Variants in EFNA5 observed in about 807,000 individuals in gnomAD.
EFNA5 encodes the protein ephrin-A5.
Under a neutral mutation model 22.9 loss-of-function variants are expected in EFNA5, and 5 were observed. The observed-to-expected ratio is 0.22, with a 90% CI of 0.11 to 0.46. The LOEUF (loss-of-function observed/expected upper bound fraction) is 0.46. Ranked by LOEUF, EFNA5 falls within the 20% of genes least tolerant of loss-of-function variation. EFNA5 has a pLI of 0.99. For synonymous variants in EFNA5, 113 were observed against 112.2 expected, an observed-to-expected ratio of 1.01 and a Z score of -0.04; for missense variants, 237 against 293.3, an observed-to-expected ratio of 0.81 and a Z score of 1.40.
chr5:107,465,911 C>T lies in EFNA5; in HGVS notation c.126-38402G>A, dbSNP rs192744678. On this transcript the variant is annotated intron_variant, in intron 1 of 4. Coordinates refer to ENST00000333274, the MANE Select transcript of EFNA5 (RefSeq NM_001962.3). Reference sequence around the variant, plus strand: ...CACGGCTACTGGTACCAGACATGTGCGGTGTGCTCTGCAACCACCTGCCTT... The same window carrying T: ...CACGGCTACTGGTACCAGACATGTGTGGTGTGCTCTGCAACCACCTGCCTT... Among the ~76,000 whole-genome samples the T allele has an allele frequency of 2.6e-4, 40 of 152,214 alleles. No homozygotes were observed. The East Asian group carries it at 2.9e-3, about 11-fold the overall frequency.
intron 1 of EFNA5, among the ~76,000 whole-genome samples, chr5:107,434,540 A>AG (rs1156605744): frequency 7.9e-5 from 12 of 152,336 alleles, no homozygotes; most frequent in African/African-American, 2.9e-4. Flanking sequence ...TGGAAAAGGA[A>AG]GGGTATGGTG....
intron 1 of EFNA5, among the ~76,000 whole-genome samples, chr5:107,563,580 G>A (rs2112479394): frequency 6.6e-6 from 1 of 152,018 alleles, no homozygotes; most frequent in South Asian, 2.1e-4. Context: ...GGGACAACAG[G>A]TGTGAGCCAC....
At chr5:107,505,379 C>T (rs984312920) in intron 1 of EFNA5, among the ~76,000 whole-genome samples, 2 of 152,128 alleles carry the variant, frequency 1.3e-5, no homozygotes, top group African/African-American at 4.8e-5. Context: ...CTACAAGGTG[C>T]ACTGTGTACT....
At chr5:107,526,574 C>T (rs1467771757) in intron 1 of EFNA5, among the ~76,000 whole-genome samples, 2 of 152,138 alleles carry the variant, frequency 1.3e-5, no homozygotes, top group African/African-American at 2.4e-5. Context: ...TTTATATGTG[C>T]TTTTCTATTC....
intron 1 of EFNA5, among the ~76,000 whole-genome samples, chr5:107,662,292 T>C (rs1750979740): frequency 6.6e-6 from 1 of 152,148 alleles, no homozygotes; most frequent in Non-Finnish European, 1.5e-5. Flanking sequence ...AAATCCTACC[T>C]CTAATGAACT....
chr5:107,462,950 G>A (rs996518220), intron 1 of EFNA5, among the ~76,000 whole-genome samples: 3 of 152,142 alleles, frequency 2.0e-5, no homozygotes, highest in African/African-American at 7.2e-5. Context: ...GCTTGCTAGT[G>A]GGCAGGAGAT....
At chr5:107,469,290 G>C (rs1188794927) in intron 1 of EFNA5, among the ~76,000 whole-genome samples, 2 of 152,172 alleles carry the variant, frequency 1.3e-5, no homozygotes, top group East Asian at 3.9e-4. Context: ...GTACAGACTT[G>C]CCCATCCTAC....
At chr5:107,622,750 G>A (rs557689217) in intron 1 of EFNA5, among the ~76,000 whole-genome samples, 30 of 152,074 alleles carry the variant, frequency 2.0e-4, no homozygotes, top group African/African-American at 6.0e-4. Context: ...GGCCGGGCGC[G>A]GTGGCTCACG....
At chr5:107,603,938 T>C (rs1482944977) in intron 1 of EFNA5, among the ~76,000 whole-genome samples, 1 of 152,252 alleles carries the variant, frequency 6.6e-6, no homozygotes, top group Admixed American at 6.5e-5. Flanking sequence ...AAGCAAGCTG[T>C]GATAGGTTTA....
In EFNA5 at chr5:107,531,855, T is replaced by G. The variant is rs13186590; in HGVS notation, c.126-104346A>C. Among the ~76,000 whole-genome samples, 1,209 of 152,338 alleles carry G rather than the reference T, an allele frequency of 7.9e-3. 23 individuals carry two copies. The highest frequency in any genetic ancestry group is 8.3e-3 in the Admixed American group (127 of 15,300). On this transcript the variant is annotated intron_variant, in intron 1 of 4. Transcript: ENST00000333274. ...AGTAGATATCCCTTCAGGTTACAAT[T>G]TCTGCTGCTGGCTGCAATATAATAA... is the stretch of plus-strand genomic sequence containing the variant.
At chr5:107,565,005 TA>T in intron 1 of EFNA5, among the ~76,000 whole-genome samples, 1 of 152,294 alleles carries the variant, frequency 6.6e-6, no homozygotes, top group South Asian at 2.1e-4. Flanking sequence ...AAACTGGAAC[TA>T]TTCTAGCAAA....
At chr5:107,602,069 A>G (rs1261385797) in intron 1 of EFNA5, among the ~76,000 whole-genome samples, 1 of 152,228 alleles carries the variant, frequency 6.6e-6, no homozygotes, top group Non-Finnish European at 1.5e-5. Flanking sequence ...CTCGGGAAAG[A>G]GACGTGAGCT....
At chr5:107,627,916 G>C (rs781441035) in intron 1 of EFNA5, among the ~76,000 whole-genome samples, 5 of 152,042 alleles carry the variant, frequency 3.3e-5, no homozygotes, top group African/African-American at 4.8e-5. Flanking sequence ...ACGATACTTA[G>C]TTTCAAAATA....
chr5:107,478,609 T>C lies in EFNA5; in HGVS notation c.126-51100A>G, dbSNP rs138022020. Among the ~76,000 whole-genome samples, 47 of 152,166 alleles carry C rather than the reference T, an allele frequency of 3.1e-4. No homozygotes were observed. In the East Asian group the frequency reaches 5.8e-3, roughly 19 times the overall value. Reference sequence around the variant, plus strand: ...GTCAGACAGGAAAAAATATACAGCATGAAAGTTGAAAACTTCTAGACAGCA... The same window carrying C: ...GTCAGACAGGAAAAAATATACAGCACGAAAGTTGAAAACTTCTAGACAGCA... On this transcript the variant is annotated intron_variant, in intron 1 of 4. Coordinates refer to ENST00000333274, the MANE Select transcript of EFNA5 (RefSeq NM_001962.3).
chr5:107,503,634 T>C (rs1025023788), intron 1 of EFNA5, among the ~76,000 whole-genome samples: 3 of 152,198 alleles, frequency 2.0e-5, no homozygotes, highest in Non-Finnish European at 4.4e-5. Context: ...CACTGTATCA[T>C]GAAGCTTTAA....
intron 1 of EFNA5, among the ~76,000 whole-genome samples, chr5:107,614,883 T>C (rs1312082106): frequency 6.6e-6 from 1 of 152,122 alleles, no homozygotes; most frequent in Non-Finnish European, 1.5e-5. Flanking sequence ...TTTTTTAAAG[T>C]GATACAAAAA....
At chr5:107,597,402 G>A (rs181126293) in intron 1 of EFNA5, among the ~76,000 whole-genome samples, 5 of 152,182 alleles carry the variant, frequency 3.3e-5, no homozygotes, top group African/African-American at 4.8e-5. Flanking sequence ...TTCATCTTCC[G>A]CAAAATTATT....
chr5:107,514,032 T>C (rs1243128869), intron 1 of EFNA5, among the ~76,000 whole-genome samples: 1 of 152,238 alleles, frequency 6.6e-6, no homozygotes, highest in East Asian at 1.9e-4. Context: ...AGTCTCACAT[T>C]GCTTTAACAA....
chr5:107,498,556 C>G (rs969449946), intron 1 of EFNA5, among the ~76,000 whole-genome samples: 2 of 152,202 alleles, frequency 1.3e-5, no homozygotes, highest in African/African-American at 4.8e-5. Flanking sequence ...CAGATAGTGC[C>G]ACAATGGACA....
Sources: gnomAD v4.1 joint callset for allele counts (sites outside exome capture counted in the v4.1 genomes callset) on GRCh38, gnomAD v4.1.1 for gene constraint, MANE v1.5 for transcripts, NCBI Gene and HGNC (gene_info 2026-07-23, HGNC 2026-07-21) for gene names.